Variants in TUBGCP3 observed in about 807,000 individuals in gnomAD.
TUBGCP3 encodes the protein tubulin gamma complex component 3.
In TUBGCP3, 50 loss-of-function variants were observed where a neutral mutation model predicts 123.1. The ratio of observed to expected loss-of-function variants is 0.41; its 90% confidence interval spans 0.32 to 0.51. The LOEUF is 0.51. Ranked by LOEUF, TUBGCP3 falls within the 20% of genes least tolerant of loss-of-function variation. TUBGCP3 has a pLI of 0.36. For missense variants in TUBGCP3, 882 were observed against 1,127.0 expected (o/e 0.78, Z 3.11); for synonymous variants, 405 against 413.9 (o/e 0.98, Z 0.26).
intron 13 of TUBGCP3, among the ~76,000 whole-genome samples, chr13:112,523,172 C>T (rs886921596): frequency 6.6e-6 from 1 of 152,320 alleles, no homozygotes; most frequent in African/African-American, 2.4e-5. Context: ...TATATGAATA[C>T]TTCATTTCAT....
chr13:112,515,509 G>A (rs986984161), intron 17 of TUBGCP3, among the ~76,000 whole-genome samples: 8 of 152,190 alleles, frequency 5.3e-5, no homozygotes, highest in Admixed American at 2.6e-4. Context: ...AAGGAGACCC[G>A]CAGAGCCCCA....
At chr13:112,531,704 C>T (rs1457238887) in intron 11 of TUBGCP3, among the ~76,000 whole-genome samples, 1 of 152,072 alleles carries the variant, frequency 6.6e-6, no homozygotes, top group African/African-American at 2.4e-5. Context: ...ACTGCTTCAT[C>T]TAAGGGCAAA....
At chr13:112,544,313 A>G (rs187075477) in intron 11 of TUBGCP3, among the ~76,000 whole-genome samples, 112 of 152,126 alleles carry the variant, frequency 7.4e-4, no homozygotes, top group Admixed American at 3.3e-3. Flanking sequence ...TTAGCCAGGC[A>G]TGGTGGCGGG....
At position 112,569,163 on chromosome 13, in the gene TUBGCP3, A is replaced by AT; in HGVS notation, c.172dup (p.Ile58AsnfsTer33). ...AGAAAAATACGTACGCTCTTTCTTG[A>AT]TTTTTTCAGCTACTAAAAATTCATC... On this transcript the variant is annotated frameshift_variant, in exon 2 of 22. Transcript: ENST00000261965. LOFTEE classifies it high-confidence loss of function. The AT allele has an allele frequency of 6.2e-7, 1 of 1,614,066 alleles. No individual in the cohort carries two copies. Among genetic ancestry groups the AT allele is most frequent in the Non-Finnish European group, 8.5e-7 (1 of 1,180,004 alleles).
Position 112,527,043 on chromosome 13 carries a change from A to G in TUBGCP3, c.1454T>C (p.Leu485Ser), listed in dbSNP as rs756243367. ...MTMDQSRKVLLIGKSINFLHQ... is the reference protein window; with the variant it reads ...MTMDQSRKVLSIGKSINFLHQ... Reference sequence around the variant, plus strand: ...CAAGAAATTTATTGATTTTCCTATCAAAAGGACCTAAAAAGAAAAACATTC... The same window carrying G: ...CAAGAAATTTATTGATTTTCCTATCGAAAGGACCTAAAAAGAAAAACATTC... The change falls in exon 13 of 22, where the codon TTG becomes TCG. Residue 485 changes from leucine (L) to serine (S), a missense_variant. This residue lies in a region of TUBGCP3 where 713 missense variants were observed against 874.0 expected (regional missense o/e 0.82). Coordinates refer to ENST00000261965, the MANE Select transcript of TUBGCP3 (RefSeq NM_006322.6). The G allele has an allele frequency of 6.2e-7, 1 of 1,612,416 alleles. No individual in the cohort carries two copies. Among genetic ancestry groups the G allele is most frequent in the Non-Finnish European group, 8.5e-7 (1 of 1,178,592 alleles).
intron 1 of TUBGCP3, among the ~76,000 whole-genome samples, chr13:112,586,906 C>G (rs1882648989): frequency 6.6e-6 from 1 of 152,128 alleles, no homozygotes; most frequent in Non-Finnish European, 1.5e-5. Context: ...CATTTAATAG[C>G]GACACAAAAT....
In TUBGCP3 at chr13:112,520,129, A is replaced by G. The variant is rs1454770810; in HGVS notation, c.1746-108T>C. Reference sequence around the variant, plus strand: ...AGAGTTCAAATTATAAAAACTCAAAAGACAAATGGGACCAATACAATAATG... The same window carrying G: ...AGAGTTCAAATTATAAAAACTCAAAGGACAAATGGGACCAATACAATAATG... On this transcript the variant is annotated intron_variant, in intron 14 of 21. Transcript: ENST00000261965. The G allele has an allele frequency of 1.0e-5, 11 of 1,086,968 alleles. No homozygotes were observed. In the East Asian group the frequency reaches 2.9e-4, roughly 29 times the overall value. 67.3% of individuals were successfully genotyped at this position (1,086,968 alleles called of 1,614,324 possible). A position where few individuals can be genotyped will look rare whatever the true frequency, so the allele number is the denominator to read the frequency against.
intron 11 of TUBGCP3, among the ~76,000 whole-genome samples, chr13:112,542,629 G>GTA (rs1878616748): frequency 6.6e-6 from 1 of 152,104 alleles, no homozygotes; most frequent in Admixed American, 6.5e-5. Context: ...GCATGTATAT[G>GTA]TATTTTAACA....
At chr13:112,578,149 G>A (rs1283254502) in intron 1 of TUBGCP3, among the ~76,000 whole-genome samples, 1 of 152,122 alleles carries the variant, frequency 6.6e-6, no homozygotes, top group Non-Finnish European at 1.5e-5. Flanking sequence ...CTCAGCCCAG[G>A]GCATAAAACC....
intron 2 of TUBGCP3, among the ~76,000 whole-genome samples, chr13:112,565,424 AG>A (rs1880876500): frequency 6.6e-6 from 1 of 152,228 alleles, no homozygotes; most frequent in Non-Finnish European, 1.5e-5. Context: ...AATTAGGTAA[AG>A]TAATAGAAAT....
chr13:112,537,203 T>C (rs1201590460), intron 11 of TUBGCP3, among the ~76,000 whole-genome samples: 1 of 143,880 alleles, frequency 7.0e-6, no homozygotes, highest in Non-Finnish European at 1.5e-5. Context: ...TCAACAATGC[T>C]AAAAGGAAGT....
At chr13:112,518,869 T>G in intron 16 of TUBGCP3, 106 bp downstream of exon 16, 1 of 927,404 alleles carries the variant, frequency 1.1e-6, no homozygotes, top group Admixed American at 1.9e-5. Context: ...AGATGTCGAG[T>G]GATCACTTGA....
At position 112,554,157 on chromosome 13, in the gene TUBGCP3, T is replaced by C; in HGVS notation, c.866A>G (p.Asp289Gly). ...CAACTCAGAAAGCCTGACTGCTGTGTCTCTCAAAGACCTACTTAGATTTGC... is the reference window on the plus strand; with the variant it reads ...CAACTCAGAAAGCCTGACTGCTGTGCCTCTCAAAGACCTACTTAGATTTGC... ...GKANLSRSLR[D>G]TAVRLSELGW... The change falls in exon 8 of 22, where the codon GAC becomes GGC. Residue 289 changes from aspartate (D) to glycine (G), a missense_variant. Physicochemically the swap from Asp to Gly is moderately conservative, Grantham distance 94. This residue lies in a region of TUBGCP3 where 713 missense variants were observed against 874.0 expected (regional missense o/e 0.82). Coordinates refer to ENST00000261965, the MANE Select transcript of TUBGCP3 (RefSeq NM_006322.6). The C allele has an allele frequency of 6.2e-7, 1 of 1,614,202 alleles. No individual in the cohort carries two copies. Among genetic ancestry groups the C allele is most frequent in the Non-Finnish European group, 8.5e-7 (1 of 1,180,036 alleles).
At chr13:112,491,022 T>G (rs1880056291) in intron 20 of TUBGCP3, among the ~76,000 whole-genome samples, 1 of 152,376 alleles carries the variant, frequency 6.6e-6, no homozygotes, top group South Asian at 2.1e-4. Flanking sequence ...ACTTGTTTTG[T>G]ATGTTTGTGC....
intron 11 of TUBGCP3, among the ~76,000 whole-genome samples, chr13:112,539,670 C>T (rs9550130): frequency 0.15 from 22,198 of 152,200 alleles, 1,937 homozygotes; most frequent in Non-Finnish European, 0.2. Context: ...TCAGTAAATA[C>T]AGAACCTTTA....
At chr13:112,535,274 ATG>A (rs1877949961) in intron 11 of TUBGCP3, among the ~76,000 whole-genome samples, 1 of 152,216 alleles carries the variant, frequency 6.6e-6, no homozygotes, top group Non-Finnish European at 1.5e-5. Flanking sequence ...TTTTAGACGA[ATG>A]CGTGTTTTCA....
intron 1 of TUBGCP3, among the ~76,000 whole-genome samples, chr13:112,573,626 T>C (rs1881586972): frequency 6.6e-6 from 1 of 152,138 alleles, no homozygotes; most frequent in South Asian, 2.1e-4. Context: ...CCCACTACAA[T>C]CTCAGCAGCA....
intron 1 of TUBGCP3, among the ~76,000 whole-genome samples, chr13:112,582,839 T>C (rs1882368333): frequency 6.6e-6 from 1 of 152,172 alleles, no homozygotes; most frequent in South Asian, 2.1e-4. Flanking sequence ...TCTGAAATTA[T>C]TTCAATGAAT....
the TUBGCP3 span, among the ~76,000 whole-genome samples, chr13:112,597,716 TA>T: frequency 6.4e-4 from 91 of 142,842 alleles, no homozygotes; most frequent in South Asian, 1.3e-3. Context: ...TAGATACAAC[TA>T]AAAAAAAAAA....
Sources: allele counts gnomAD v4.1 joint callset (sites outside exome capture counted in the v4.1 genomes callset), GRCh38; gene constraint gnomAD v4.1.1; regional missense constraint gnomAD v4.1.1; transcripts MANE v1.5; gene names NCBI Gene and HGNC (gene_info 2026-07-23, HGNC 2026-07-21).